Variants in ZNF195 observed in about 807,000 individuals in gnomAD.
ZNF195 encodes the protein hypoxia-regulated factor-1.
A neutral mutation model predicts 19.5 loss-of-function variants in ZNF195; 11 were observed. The observed-to-expected ratio is 0.57, with a 90% CI of 0.36 to 0.94. The LOEUF is 0.94. Among genes scored for constraint, ZNF195 ranks in the 40% least tolerant of loss-of-function variants. ZNF195 has a pLI of 0.01. For missense variants in ZNF195, 582 were observed against 709.0 expected (o/e 0.82, Z 2.03); for synonymous variants, 214 against 248.1 (o/e 0.86, Z 1.29).
chr11:3,362,417 C>T (rs980785095), intron 3 of ZNF195: 43 of 339,636 alleles, frequency 1.3e-4, no homozygotes, highest in Non-Finnish European at 2.3e-4. Context: ...GAAAAATAAT[C>T]ATAAATAACT....
chr11:3,362,616 A>G lies in ZNF195; in HGVS notation c.227-727T>C, dbSNP rs761620074. 25 of 562,312 alleles carry G rather than the reference A, an allele frequency of 4.4e-5. No homozygotes were observed. In the South Asian group the frequency reaches 5.8e-4, roughly 13 times the overall value. 34.8% of individuals were successfully genotyped at this position (562,312 alleles called of 1,614,324 possible). On this transcript the variant is annotated intron_variant, in intron 3 of 5. Coordinates refer to ENST00000399602, the MANE Select transcript of ZNF195 (RefSeq NM_001130520.3). ...CAAAGAAAATACCTATAAGACACAC[A>G]AAAGAAAATTTAAAAAGAGTCAAAG...
Position 3,359,099 on chromosome 11 carries a change from A to G in ZNF195, c.*19T>C, listed in dbSNP as rs763381090. The stretch of plus-strand genomic sequence containing the variant: ...GATACTAACGGCTTTGCCTATTTTT[A>G]TATTTGTTTATTTTTTTCTCAAGTA... On this transcript the variant is annotated 3_prime_UTR_variant, in exon 6 of 6. Coordinates refer to ENST00000399602, the MANE Select transcript of ZNF195 (RefSeq NM_001130520.3). The surrounding 1 kb of genome is among the most constrained non-coding windows in gnomAD (Gnocchi z 5.5). 2.5e-5 allele frequency: 38 copies of G among 1,524,838 alleles called. No individual in the cohort carries two copies. In the South Asian group the frequency reaches 3.6e-4, roughly 15 times the overall value. The allele number at this position is 1,524,838 out of a possible 1,614,324, so 94.5% of individuals were successfully genotyped here.
Position 3,360,405 on chromosome 11 carries a change from A to G in ZNF195, c.603T>C (p.Tyr201=). The change falls in exon 6 of 6, where the codon TAT becomes TAC. Residue 201 remains tyrosine (Y), a synonymous_variant. Coordinates refer to ENST00000399602, the MANE Select transcript of ZNF195 (RefSeq NM_001130520.3). ...SLDECKLQKD[Y]NGLNQCSSTT... ...TTGATGAACATTGGTTAAGTCCATT[A>G]TAATCTTTTTGCAACTTACACTCAT... 6.2e-7 allele frequency: 1 copy of G among 1,612,598 alleles called. No individual in the cohort carries two copies.
At chr11:3,367,844 G>A (rs2133700075) in intron 3 of ZNF195, among the ~76,000 whole-genome samples, 1 of 152,162 alleles carries the variant, frequency 6.6e-6, no homozygotes, top group Middle Eastern at 3.4e-3. Flanking sequence ...GGCCAAGGCA[G>A]GCAGATCACC....
intron 3 of ZNF195, 78 bp downstream of exon 3, chr11:3,370,897 C>T: frequency 2.0e-6 from 3 of 1,479,364 alleles, no homozygotes; most frequent in Non-Finnish European, 1.9e-6. Context: ...GCTTCTCAAA[C>T]CACATTTTAA....
chr11:3,377,637 C>T, intron 1 of ZNF195: 2 of 1,240,004 alleles, frequency 1.6e-6, no homozygotes, highest in Non-Finnish European at 2.1e-6. Context: ...GAAGAGTAGA[C>T]CAGGAGATTT....
chr11:3,360,830 C>T (rs770137999), intron 4 of ZNF195, 42 bp from the exon 5 acceptor site: 401 of 1,528,356 alleles, frequency 2.6e-4, no homozygotes, highest in Non-Finnish European at 3.2e-4. Flanking sequence ...TTACGTTTAC[C>T]CACTGCAGCC....
rs748909798 is a variant in ZNF195, at chr11:3,360,410, C to A, written c.598G>T (p.Asp200Tyr). The A allele has an allele frequency of 1.1e-5, 17 of 1,612,358 alleles. No individual in the cohort carries two copies. The highest frequency in any genetic ancestry group is 1.4e-5 in the Non-Finnish European group (16 of 1,179,668). ...ESLDECKLQK[D>Y]YNGLNQCSST... is the part of the protein sequence containing the mutation. ...GAACATTGGTTAAGTCCATTATAAT[C>A]TTTTTGCAACTTACACTCATCTAAA... is the stretch of plus-strand genomic sequence containing the variant. Residue 200 changes from aspartate to tyrosine, a missense_variant, in exon 6 of 6, where the codon GAT becomes TAT. Asp to Tyr is a radical substitution (Grantham distance 160). Transcript: ENST00000399602.
intron 1 of ZNF195, among the ~76,000 whole-genome samples, chr11:3,376,972 G>A (rs1209125930): frequency 6.6e-6 from 1 of 152,146 alleles, no homozygotes; most frequent in Admixed American, 6.5e-5. Context: ...TATGTTCCCT[G>A]GTAGCATTCC....
Position 3,367,277 on chromosome 11 carries a change from C to T in ZNF195, c.226+3698G>A, listed in dbSNP as rs186351507. ...ACACACAGAAAAAATGTGGTATATA[C>T]ATACAAGGAATATTATTCAACCATA... On this transcript the variant is annotated intron_variant, in intron 3 of 5. Transcript: ENST00000399602. 9.2e-5 allele frequency among the ~76,000 whole-genome samples: 14 copies of T among 151,942 alleles called. No individual in the cohort carries two copies. The East Asian group carries it at 2.7e-3, about 29-fold the overall frequency.
chr11:3,359,430 T>C lies in ZNF195; in HGVS notation c.1578A>G (p.Glu526=). Residue 526 remains glutamate (E), a synonymous_variant, in exon 6 of 6, where the codon GAA becomes GAG. Coordinates refer to ENST00000399602, the MANE Select transcript of ZNF195 (RefSeq NM_001130520.3). This position sits in a 1 kb window ranked among gnomAD's most constrained non-coding sequence, Gnocchi z 5.5. ...AGGACTGGGTAAAGTTTTTTCCACA[T>C]TCGTCACATTTGTAGGGCTTCTCTC... ...HTGEKPYKCD[E]CGKNFTQSSN... is the part of the protein sequence containing the mutation. The C allele has an allele frequency of 6.2e-7, 1 of 1,614,208 alleles. No individual in the cohort carries two copies. The highest frequency in any genetic ancestry group is 8.5e-7 in the Non-Finnish European group (1 of 1,180,040).
intron 1 of ZNF195, chr11:3,377,488 G>T: frequency 1.3e-6 from 1 of 788,030 alleles, no homozygotes; most frequent in Non-Finnish European, 1.6e-6. Flanking sequence ...AAATCTGAGA[G>T]TCCAAAGGGC....
At chr11:3,361,256 A>G (rs1284840939) in intron 4 of ZNF195, among the ~76,000 whole-genome samples, 1 of 152,198 alleles carries the variant, frequency 6.6e-6, no homozygotes, top group African/African-American at 2.4e-5. Context: ...ACCCCAGGAG[A>G]AAGGCACATT....
chr11:3,368,734 A>C (rs1254088323), intron 3 of ZNF195: 1 of 409,010 alleles, frequency 2.4e-6, no homozygotes, highest in Non-Finnish European at 5.0e-6. Flanking sequence ...AAACTGCCGC[A>C]GAGACCAATG....
chr11:3,371,386 G>A (rs1163200531), intron 2 of ZNF195, among the ~76,000 whole-genome samples, 191 bp downstream of exon 2: 3 of 151,050 alleles, frequency 2.0e-5, no homozygotes, highest in Non-Finnish European at 4.4e-5. Context: ...AAAAAAGGAA[G>A]GTTTATGTCA....
chr11:3,371,790 A>T, intron 1 of ZNF195, 87 bp from the exon 2 acceptor site: 1 of 1,428,728 alleles, frequency 7.0e-7, no homozygotes, highest in South Asian at 1.4e-5. Flanking sequence ...TACACAAGTG[A>T]CTGAAATTAT....
chr11:3,360,374 G>A lies in ZNF195; in HGVS notation c.634C>T (p.His212Tyr). Residue 212 changes from histidine to tyrosine, a missense_variant, in exon 6 of 6, where the codon CAT (histidine) becomes TAT (tyrosine). By Grantham distance (83) the His-to-Tyr change is moderately conservative (BLOSUM62 2). This residue lies in a region of ZNF195 where 407 missense variants were observed against 530.5 expected (regional missense o/e 0.77). Coordinates refer to ENST00000399602, the MANE Select transcript of ZNF195 (RefSeq NM_001130520.3). ...NGLNQCSSTTHSKIFQYNKYV... is the reference protein window; with the variant it reads ...NGLNQCSSTTYSKIFQYNKYV... ...TTATTATATTGAAAGATTTTGCTATGGGTAGTTGATGAACATTGGTTAAGT... is the reference window on the plus strand; with the variant it reads ...TTATTATATTGAAAGATTTTGCTATAGGTAGTTGATGAACATTGGTTAAGT... 6.2e-7 allele frequency: 1 copy of A among 1,607,210 alleles called. No individual in the cohort carries two copies. Among genetic ancestry groups the A allele is most frequent in the Non-Finnish European group, 8.5e-7 (1 of 1,176,158 alleles).
chr11:3,370,804 G>A (rs3794191), intron 3 of ZNF195, 171 bp downstream of exon 3: 437,859 of 582,998 alleles, frequency 0.75, 166,322 homozygotes, highest in Middle Eastern at 0.81. Flanking sequence ...TACAAAATTT[G>A]AGAGAATGAG....
intron 4 of ZNF195, among the ~76,000 whole-genome samples, 155 bp downstream of exon 4, chr11:3,361,587 GA>G (rs1198798848): frequency 6.6e-6 from 1 of 151,844 alleles, no homozygotes; most frequent in Admixed American, 6.6e-5. Context: ...TCAAAAGTAA[GA>G]AAAAAATACA....
Sources: gnomAD v4.1 joint callset for allele counts (sites outside exome capture counted in the v4.1 genomes callset) on GRCh38, gnomAD v4.1.1 for gene constraint, gnomAD v4.1.1 regional missense constraint, Gnocchi (gnomAD v3.1) non-coding constraint, MANE v1.5 for transcripts, NCBI Gene and HGNC (gene_info 2026-07-23, HGNC 2026-07-21) for gene names.